The following AFF3 variants were observed in gnomAD, a reference collection of about 807,000 sequenced individuals.
AFF3 encodes the protein ALF transcription elongation factor 3.
In AFF3, 32 loss-of-function variants were observed where a neutral mutation model predicts 129.7. That is an observed-to-expected ratio of 0.25 (90% CI 0.19 to 0.33). The LOEUF is 0.33. AFF3 is among the 10% of genes least tolerant of loss of function. The pLI, the probability that AFF3 is intolerant of heterozygous loss-of-function variation, is 1.00. For synonymous variants in AFF3, 644 were observed against 635.4 expected (o/e 1.01, Z -0.20); for missense variants, 1,373 against 1,592.0 (o/e 0.86, Z 2.34).
intron 14 of AFF3, among the ~76,000 whole-genome samples, chr2:99,600,716 T>C (rs1439533951): frequency 6.6e-6 from 1 of 152,170 alleles, no homozygotes; most frequent in African/African-American, 2.4e-5. Context: ...CCTGGGGAAG[T>C]TTCTCTCAGC....
At chr2:99,871,510 A>G (rs1691863458) in intron 7 of AFF3, among the ~76,000 whole-genome samples, 1 of 150,716 alleles carries the variant, frequency 6.6e-6, no homozygotes, top group South Asian at 2.1e-4. Context: ...TCACCTAAGG[A>G]AAGGCTCATA....
At chr2:100,041,535 CAT>C (rs61467057) in intron 4 of AFF3, among the ~76,000 whole-genome samples, 2,030 of 152,194 alleles carry the variant, frequency 0.013, 34 homozygotes, top group African/African-American at 0.043. Context: ...GCCCCCAAAT[CAT>C]ATAAATTTCA....
intron 16 of AFF3, among the ~76,000 whole-genome samples, chr2:99,583,303 C>A (rs1677764845): frequency 6.6e-6 from 1 of 152,176 alleles, no homozygotes; most frequent in South Asian, 2.1e-4. Context: ...TCAAAATACC[C>A]AACAAACAAC....
intron 4 of AFF3, among the ~76,000 whole-genome samples, chr2:100,073,528 C>A (rs1688364506): frequency 6.6e-6 from 1 of 152,282 alleles, no homozygotes; most frequent in South Asian, 2.1e-4. Flanking sequence ...GGCTGTGGGA[C>A]TTTATAGGGC....
chr2:99,820,649 T>G (rs1009220219), intron 8 of AFF3, among the ~76,000 whole-genome samples: 3 of 150,086 alleles, frequency 2.0e-5, no homozygotes, highest in Non-Finnish European at 4.4e-5. Flanking sequence ...TTCTTAACTT[T>G]TTGACTCTTT....
chr2:100,060,667 T>C (rs1687196030), intron 4 of AFF3, among the ~76,000 whole-genome samples: 1 of 152,196 alleles, frequency 6.6e-6, no homozygotes, highest in Non-Finnish European at 1.5e-5. Context: ...TTTACAAAGA[T>C]AGTGCAGAGA....
chr2:100,077,335 C>G (rs1573356719), intron 4 of AFF3, among the ~76,000 whole-genome samples: 2 of 152,082 alleles, frequency 1.3e-5, no homozygotes, highest in South Asian at 2.1e-4. Flanking sequence ...AAAGAAGGAG[C>G]AGGAAGGTTA....
At chr2:99,888,756 T>A (rs2106064037) in intron 7 of AFF3, among the ~76,000 whole-genome samples, 1 of 152,270 alleles carries the variant, frequency 6.6e-6, no homozygotes, top group Non-Finnish European at 1.5e-5. Context: ...AAGCACTGCA[T>A]CTTTTCAAGG....
chr2:99,745,940 G>A (rs971520191), intron 9 of AFF3, among the ~76,000 whole-genome samples: 1 of 152,070 alleles, frequency 6.6e-6, no homozygotes, highest in Non-Finnish European at 1.5e-5. Flanking sequence ...AAGGCACATA[G>A]AGTGATATGA....
At chr2:99,577,312 C>G (rs988540594) in intron 18 of AFF3, among the ~76,000 whole-genome samples, 19 of 152,286 alleles carry the variant, frequency 1.2e-4, no homozygotes, top group African/African-American at 4.1e-4. Flanking sequence ...GACGATGAGG[C>G]TGGAGTAGCC....
intron 7 of AFF3, among the ~76,000 whole-genome samples, chr2:99,912,702 C>T (rs181284884): frequency 1.5e-4 from 23 of 152,272 alleles, no homozygotes; most frequent in African/African-American, 5.5e-4. Flanking sequence ...CATACATACC[C>T]AATGGATAAC....
chr2:100,080,526 G>A (rs527956494), intron 4 of AFF3, among the ~76,000 whole-genome samples: 2 of 152,144 alleles, frequency 1.3e-5, no homozygotes, highest in East Asian at 1.9e-4. Context: ...CTGGAGACAA[G>A]AGGCAAAATG....
At chr2:100,134,430 G>A (rs550369076) in intron 1 of AFF3, among the ~76,000 whole-genome samples, 4 of 152,202 alleles carry the variant, frequency 2.6e-5, no homozygotes, top group Non-Finnish European at 5.9e-5. Context: ...AGGATAGTAA[G>A]CTGTCATTAT....
chr2:100,070,370 T>A lies in AFF3; in HGVS notation c.53+34032A>T, dbSNP rs1428225210. ...TGTGAAACCATCGTTGCTATAATTG[T>A]TAGAAGTAGAAATCTGAGCATTTTT... On this transcript the variant is annotated intron_variant, in intron 4 of 24. Transcript: ENST00000672756. Among the ~76,000 whole-genome samples the A allele has an allele frequency of 7.2e-5, 11 of 152,340 alleles. No homozygotes were observed. The South Asian group carries it at 2.1e-3, about 29-fold the overall frequency.
Position 99,549,013 on chromosome 2 carries a change from A to C in AFF3, c.*2461T>G, listed in dbSNP as rs1674225245. 1 of 229,772 alleles carries C rather than the reference A, an allele frequency of 4.4e-6. No individual in the cohort carries two copies. Among genetic ancestry groups the C allele is most frequent in the Admixed American group, 5.7e-5 (1 of 17,686 alleles). The allele number at this position is 229,772 out of a possible 1,614,324, so 14.2% of individuals were successfully genotyped here. On this transcript the variant is annotated 3_prime_UTR_variant, in exon 25 of 25. Transcript: ENST00000672756. ...AATGTGGGCCATCAGAGTGCTGATA[A>C]AACACTGCTGGCCCACCTGTCAAAT...
At chr2:99,923,113 T>A (rs567086326) in intron 7 of AFF3, among the ~76,000 whole-genome samples, 1 of 152,226 alleles carries the variant, frequency 6.6e-6, no homozygotes, top group Non-Finnish European at 1.5e-5. Context: ...AAATTCATTA[T>A]GTTTTAAGCT....
At chr2:99,714,374 C>A (rs1034311134) in intron 11 of AFF3, among the ~76,000 whole-genome samples, 1 of 152,166 alleles carries the variant, frequency 6.6e-6, no homozygotes, top group East Asian at 1.9e-4. Flanking sequence ...GTCTGAGGAA[C>A]TTGAAGAGGC....
At chr2:99,695,938 G>GAAAAAAAAAAAAAAAAAAAAAACAAAAAA (rs1676196316) in intron 11 of AFF3, among the ~76,000 whole-genome samples, 1 of 57,648 alleles carries the variant, frequency 1.7e-5, no homozygotes, top group African/African-American at 7.2e-5. Context: ...CTGGAAAAAT[G>GAAAAAAAAAAAAAAAAAAAAAACAAAAAA]AAAAAAAAAA....
chr2:99,626,864 A>G (rs1310624588), intron 13 of AFF3, among the ~76,000 whole-genome samples: 1 of 152,156 alleles, frequency 6.6e-6, no homozygotes, highest in Non-Finnish European at 1.5e-5. Context: ...TGCTAAGGAT[A>G]ATGGATTCCT....
Sources: gnomAD v4.1 joint callset for allele counts (sites outside exome capture counted in the v4.1 genomes callset) on GRCh38, gnomAD v4.1.1 for gene constraint, MANE v1.5 for transcripts, NCBI Gene and HGNC (gene_info 2026-07-23, HGNC 2026-07-21) for gene names.